DPF3: variants seen among roughly 807,000 people sequenced by gnomAD.
DPF3 encodes double PHD fingers 3.
DPF3 carries 18 observed loss-of-function variants against 56.8 expected under a neutral mutation model. The observed-to-expected ratio is 0.32, with a 90% CI of 0.22 to 0.47. The LOEUF (loss-of-function observed/expected upper bound fraction) is 0.47. Ranked by LOEUF, DPF3 falls within the 20% of genes least tolerant of loss-of-function variation. The pLI is 1.00. For synonymous variants in DPF3, 188 were observed against 180.2 expected, an observed-to-expected ratio of 1.04 and a Z score of -0.35; for missense variants, 403 against 488.8, an observed-to-expected ratio of 0.82 and a Z score of 1.65.
chr14:72,670,931 A>T, intron 8 of DPF3: 1 of 1,293,386 alleles, frequency 7.7e-7, no homozygotes, highest in Non-Finnish European at 9.8e-7. Context: ...GTTTTGTTTC[A>T]GTAGTTTGTG....
chr14:72,713,068 A>G (rs1888724697), intron 6 of DPF3, among the ~76,000 whole-genome samples: 1 of 152,224 alleles, frequency 6.6e-6, no homozygotes, highest in Non-Finnish European at 1.5e-5. Flanking sequence ...TGGGGCTTCT[A>G]TGTATCAGAG....
rs1884044964 is a variant in DPF3, at chr14:72,615,630, C to T, written c.*3667G>A. Among the ~76,000 whole-genome samples the T allele has an allele frequency of 6.6e-6, 1 of 152,224 alleles. No homozygotes were observed. The highest frequency in any genetic ancestry group is 6.5e-5 in the Admixed American group (1 of 15,292). On this transcript the variant is annotated 3_prime_UTR_variant, in exon 11 of 11. Transcript: ENST00000556509. The stretch of plus-strand genomic sequence containing the variant: ...CTTCCACCCACCCACAGGCTCTTCC[C>T]TGGTTCCAGTCGGCTGGGCTCAGCC...
intron 3 of DPF3, among the ~76,000 whole-genome samples, chr14:72,739,183 A>C: frequency 6.6e-6 from 1 of 151,854 alleles, no homozygotes; most frequent in African/African-American, 2.4e-5. Context: ...GGGAGGTTGC[A>C]GTGAGCCAAG....
At chr14:72,834,163 G>A (rs1884184447) in intron 1 of DPF3, among the ~76,000 whole-genome samples, 1 of 150,570 alleles carries the variant, frequency 6.6e-6, no homozygotes, top group Non-Finnish European at 1.5e-5. Context: ...GAGTGACAGA[G>A]TGAGACTCTG....
At position 72,892,476 on chromosome 14, in the gene DPF3, A is replaced by G. The variant is rs1313335553; in HGVS notation, c.32+1581T>C. 5.6e-6 allele frequency: 8 copies of G among 1,426,978 alleles called. No homozygotes were observed. In the African/African-American group the frequency reaches 7.2e-5, roughly 13 times the overall value. 88.4% of individuals were successfully genotyped at this position (1,426,978 alleles called of 1,614,324 possible). A position where few individuals can be genotyped will look rare whatever the true frequency, so the allele number is the denominator to read the frequency against. The stretch of plus-strand genomic sequence containing the variant: ...CCTCTTAACGGCAGCTTTCATATAA[A>G]TATATTTGAAACCTGGGGCCTTCCT... On this transcript the variant is annotated intron_variant, in intron 1 of 10. Transcript: ENST00000556509.
intron 1 of DPF3, among the ~76,000 whole-genome samples, chr14:72,845,577 A>G (rs1884716969): frequency 6.6e-6 from 1 of 152,172 alleles, no homozygotes; most frequent in South Asian, 2.1e-4. Flanking sequence ...ATTTCCTAGG[A>G]GTTAATCATG....
At chr14:72,761,741 A>G (rs1023600734) in intron 2 of DPF3, among the ~76,000 whole-genome samples, 4 of 151,914 alleles carry the variant, frequency 2.6e-5, no homozygotes, top group East Asian at 3.8e-4. Flanking sequence ...GGAAATATAA[A>G]GATCAGAGCA....
intron 1 of DPF3, among the ~76,000 whole-genome samples, chr14:72,871,117 C>T (rs1210193476): frequency 2.6e-5 from 4 of 152,170 alleles, no homozygotes; most frequent in African/African-American, 7.2e-5. Flanking sequence ...CTCACTATCA[C>T]GAGAATAGCC....
At chr14:72,682,647 T>G (rs988092674) in intron 7 of DPF3, among the ~76,000 whole-genome samples, 4 of 152,358 alleles carry the variant, frequency 2.6e-5, no homozygotes, top group African/African-American at 9.6e-5. Flanking sequence ...TTCTTTGTTC[T>G]TCAGACAGAA....
At chr14:72,737,862 T>C (rs1314830790) in intron 3 of DPF3, among the ~76,000 whole-genome samples, 1 of 151,678 alleles carries the variant, frequency 6.6e-6, no homozygotes, top group Non-Finnish European at 1.5e-5. Flanking sequence ...CCACAGACAA[T>C]GGCAAAGAAT....
At chr14:72,863,100 A>ATATATATG (rs1413440131) in intron 1 of DPF3, among the ~76,000 whole-genome samples, 68 of 110,482 alleles carry the variant, frequency 6.2e-4, no homozygotes, top group Admixed American at 1.9e-3. Context: ...ATATATATAT[A>ATATATATG]TGTGTGTGTA....
chr14:72,848,957 A>C (rs932773124), intron 1 of DPF3, among the ~76,000 whole-genome samples: 2 of 152,166 alleles, frequency 1.3e-5, no homozygotes, highest in Non-Finnish European at 1.5e-5. Context: ...CTTCACATAC[A>C]TTATGGCATT....
chr14:72,626,733 A>G (rs2153566609), intron 9 of DPF3, among the ~76,000 whole-genome samples: 1 of 152,248 alleles, frequency 6.6e-6, no homozygotes, highest in Middle Eastern at 3.4e-3. Context: ...AGTGCATATT[A>G]GCTCTGTTAG....
At chr14:72,715,454 A>AGGAAAG (rs1196934526) in intron 5 of DPF3, among the ~76,000 whole-genome samples, 1 of 152,086 alleles carries the variant, frequency 6.6e-6, no homozygotes, top group Non-Finnish European at 1.5e-5. Context: ...CTCCCAACCA[A>AGGAAAG]GGAAAGGGCC....
At chr14:72,852,100 G>C (rs1327596881) in intron 1 of DPF3, among the ~76,000 whole-genome samples, 1 of 152,236 alleles carries the variant, frequency 6.6e-6, no homozygotes, top group Non-Finnish European at 1.5e-5. Context: ...GTGGAGCACC[G>C]GGCTTTCAGC....
chr14:72,772,484 A>T (rs1307057383), intron 1 of DPF3, among the ~76,000 whole-genome samples: 1 of 152,212 alleles, frequency 6.6e-6, no homozygotes, highest in Non-Finnish European at 1.5e-5. Flanking sequence ...CCAATCTTTT[A>T]AAACCATATT....
Position 72,836,131 on chromosome 14 carries a change from G to C in DPF3, c.32+57926C>G, listed in dbSNP as rs959670994. 10 of 985,944 alleles carry C rather than the reference G, an allele frequency of 1.0e-5. No homozygotes were observed. The African/African-American group carries it at 1.7e-4, about 17-fold the overall frequency. 61.1% of individuals were successfully genotyped at this position (985,944 alleles called of 1,614,324 possible). A position where few individuals can be genotyped will look rare whatever the true frequency, so the allele number is the denominator to read the frequency against. On this transcript the variant is annotated intron_variant, in intron 1 of 10. Transcript: ENST00000556509. ...AAATCCAGGTCCAAAGAAGAAGCCA[G>C]TGAGGAACAGGAGGCTGATCATTGT...
chr14:72,679,593 G>A (rs951766660), intron 7 of DPF3, among the ~76,000 whole-genome samples: 5 of 152,200 alleles, frequency 3.3e-5, no homozygotes, highest in African/African-American at 9.6e-5. Flanking sequence ...CGCCCCTCTC[G>A]TTTGTTCCCC....
In DPF3 at chr14:72,839,862, A is replaced by T. The variant is rs556034228; in HGVS notation, c.32+54195T>A. ...GGGCCCCACGGGAATCTCAGCTTGGATCAAAGCAGGCGGGTGCTCACTCCA... is the reference window on the plus strand; with the variant it reads ...GGGCCCCACGGGAATCTCAGCTTGGTTCAAAGCAGGCGGGTGCTCACTCCA... On this transcript the variant is annotated intron_variant, in intron 1 of 10. Transcript: ENST00000556509. Among the ~76,000 whole-genome samples the T allele has an allele frequency of 2.6e-5, 4 of 152,270 alleles. No individual in the cohort carries two copies. The South Asian group carries it at 8.3e-4, about 32-fold the overall frequency.
Sources: gnomAD v4.1 joint callset for allele counts (sites outside exome capture counted in the v4.1 genomes callset) on GRCh38, gnomAD v4.1.1 for gene constraint, MANE v1.5 for transcripts, NCBI Gene and HGNC (gene_info 2026-07-23, HGNC 2026-07-21) for gene names.